GALNT2: variants seen among roughly 807,000 people sequenced by gnomAD.
The protein encoded by GALNT2 is UDP-GalNAc:polypeptide N-acetylgalactosaminyltransferase 2.
Under a neutral mutation model 81.4 loss-of-function variants are expected in GALNT2, and 31 were observed. The observed-to-expected ratio is 0.38, with a 90% CI of 0.29 to 0.51. GALNT2 has a LOEUF of 0.51. Ranked by LOEUF, GALNT2 falls within the 20% of genes least tolerant of loss-of-function variation. The pLI, the probability that GALNT2 is intolerant of heterozygous loss-of-function variation, is 0.87. For missense variants in GALNT2, 629 were observed against 765.7 expected, an observed-to-expected ratio of 0.82 and a Z score of 2.11; for synonymous variants, 303 against 287.4, an observed-to-expected ratio of 1.05 and a Z score of -0.55.
intron 2 of GALNT2, among the ~76,000 whole-genome samples, chr1:230,183,834 C>T (rs1039372658): frequency 6.6e-6 from 1 of 151,960 alleles, no homozygotes; most frequent in African/African-American, 2.4e-5. Flanking sequence ...AAAAATTAGC[C>T]AGGTGTGGTG....
intron 1 of GALNT2, among the ~76,000 whole-genome samples, chr1:230,073,588 A>G (rs1306853511): frequency 6.6e-6 from 1 of 152,240 alleles, no homozygotes; most frequent in East Asian, 1.9e-4. Flanking sequence ...GCTGAAATGT[A>G]GATGACAGTG....
At chr1:230,220,016 TA>T (rs1000912281) in intron 3 of GALNT2, among the ~76,000 whole-genome samples, 1 of 152,238 alleles carries the variant, frequency 6.6e-6, no homozygotes, top group African/African-American at 2.4e-5. Flanking sequence ...ATTCCTCACT[TA>T]AATTCTTAGG....
At chr1:230,196,257 T>C (rs1663691646) in intron 2 of GALNT2, among the ~76,000 whole-genome samples, 2 of 152,224 alleles carry the variant, frequency 1.3e-5, no homozygotes, top group Non-Finnish European at 2.9e-5. Context: ...GGCAGGCTCC[T>C]GCTCACGCTT....
chr1:230,215,128 C>G (rs1425351261), intron 3 of GALNT2, among the ~76,000 whole-genome samples: 1 of 152,136 alleles, frequency 6.6e-6, no homozygotes, highest in Non-Finnish European at 1.5e-5. Context: ...GGTGAGTTTC[C>G]AGTTCTCTTT....
At position 230,246,541 on chromosome 1, in the gene GALNT2, G is replaced by A. The variant is rs987903513; in HGVS notation, c.817+391G>A. On this transcript the variant is annotated intron_variant, in intron 8 of 15. Coordinates refer to ENST00000366672, the MANE Select transcript of GALNT2 (RefSeq NM_004481.5). Reference sequence around the variant, plus strand: ...GCTGGAGCCTGTCTTTGCCTTCTCTGCTCACCCTGGCTATTTCTCTGACAG... The same window carrying A: ...GCTGGAGCCTGTCTTTGCCTTCTCTACTCACCCTGGCTATTTCTCTGACAG... Among the ~76,000 whole-genome samples the A allele has an allele frequency of 2.6e-4, 39 of 152,130 alleles. 1 individual carries two copies.
chr1:230,252,843 CTTT>C (rs58544942), intron 10 of GALNT2, among the ~76,000 whole-genome samples: 3 of 78,946 alleles, frequency 3.8e-5, no homozygotes, highest in African/African-American at 5.1e-5. Flanking sequence ...GAGACAACTT[CTTT>C]TTTTTTTTTT....
At chr1:230,233,258 T>C (rs1376481631) in intron 3 of GALNT2, among the ~76,000 whole-genome samples, 1 of 152,210 alleles carries the variant, frequency 6.6e-6, no homozygotes, top group Non-Finnish European at 1.5e-5. Context: ...ATCTGAGATA[T>C]TATCTCTAAT....
At chr1:230,088,700 G>C (rs867127121) in intron 1 of GALNT2, among the ~76,000 whole-genome samples, 3 of 152,006 alleles carry the variant, frequency 2.0e-5, no homozygotes, top group African/African-American at 4.8e-5. Context: ...ACCATGCCTG[G>C]CTAATTTTTC....
intron 1 of GALNT2, among the ~76,000 whole-genome samples, chr1:230,077,712 A>G (rs1369649494): frequency 1.3e-5 from 2 of 152,202 alleles, no homozygotes; most frequent in African/African-American, 2.4e-5. Context: ...AGAGTCATCC[A>G]CTGTGCCACC....
intron 1 of GALNT2, among the ~76,000 whole-genome samples, chr1:230,092,279 A>T (rs1660116236): frequency 6.8e-6 from 1 of 147,980 alleles, no homozygotes. Context: ...CTAAATCATC[A>T]GACTTGAGTT....
intron 1 of GALNT2, among the ~76,000 whole-genome samples, chr1:230,082,508 T>A (rs1426596820): frequency 6.6e-6 from 1 of 152,246 alleles, no homozygotes; most frequent in Non-Finnish European, 1.5e-5. Context: ...ATCTCCAATG[T>A]GCCATTCCTC....
At chr1:230,173,140 G>A (rs1384362811) in intron 1 of GALNT2, among the ~76,000 whole-genome samples, 1 of 152,220 alleles carries the variant, frequency 6.6e-6, no homozygotes, top group Non-Finnish European at 1.5e-5. Context: ...TTAGTAAGTA[G>A]GAGAAGACTT....
rs971949645 is a variant in GALNT2 at position 230,279,241 on chromosome 1, C to T, written c.1561-62C>T. On this transcript the variant is annotated intron_variant, in intron 15 of 15. Transcript: ENST00000366672. The surrounding 1 kb of genome is among the most constrained non-coding windows in gnomAD (Gnocchi z 4.6). ...GCAGCCACAAGGTCCTGAATTCACA[C>T]GAATCTGTTTGTACTCCTTTGCTTG... The T allele has an allele frequency of 5.2e-6, 8 of 1,531,980 alleles. No individual in the cohort carries two copies. The highest frequency in any genetic ancestry group is 7.1e-6 in the Non-Finnish European group (8 of 1,126,154). 94.9% of individuals were successfully genotyped at this position (1,531,980 alleles called of 1,614,324 possible).
chr1:230,232,617 A>G (rs1172198595), intron 3 of GALNT2, among the ~76,000 whole-genome samples: 1 of 152,228 alleles, frequency 6.6e-6, no homozygotes, highest in East Asian at 1.9e-4. Context: ...CGCTGTGTTA[A>G]GTGGGACCTA....
At chr1:230,200,088 A>G (rs1435215182) in intron 2 of GALNT2, among the ~76,000 whole-genome samples, 6 of 122,620 alleles carry the variant, frequency 4.9e-5, no homozygotes, top group East Asian at 4.7e-4. Flanking sequence ...TTTGAGATGG[A>G]GTCTTGCACT....
chr1:230,085,690 C>G (rs753240046), intron 1 of GALNT2, among the ~76,000 whole-genome samples: 1 of 152,168 alleles, frequency 6.6e-6, no homozygotes, highest in African/African-American at 2.4e-5. Context: ...GGTTGAAGTC[C>G]GGGGCAGTCT....
chr1:230,157,335 C>T (rs921191776), intron 1 of GALNT2, among the ~76,000 whole-genome samples: 2 of 152,146 alleles, frequency 1.3e-5, no homozygotes, highest in African/African-American at 4.8e-5. Context: ...GCAAAAATGC[C>T]ACCAAGTACT....
chr1:230,264,970 T>C (rs1317745087), intron 13 of GALNT2: 96 of 305,236 alleles, frequency 3.1e-4, no homozygotes, highest in Non-Finnish European at 4.9e-4. Flanking sequence ...TTCCTTCCTT[T>C]CCAAAAAAAA....
intron 1 of GALNT2, among the ~76,000 whole-genome samples, chr1:230,106,907 T>C (rs1289527809): frequency 1.3e-5 from 2 of 152,234 alleles, no homozygotes; most frequent in East Asian, 3.8e-4. Context: ...AAGGGCACTA[T>C]TATTTCCCCC....
Sources: allele counts gnomAD v4.1 joint callset (sites outside exome capture counted in the v4.1 genomes callset), GRCh38; gene constraint gnomAD v4.1.1; non-coding constraint Gnocchi (gnomAD v3.1); transcripts MANE v1.5; gene names NCBI Gene and HGNC (gene_info 2026-07-23, HGNC 2026-07-21).